The following PPM1E variants were observed in gnomAD, a reference collection of about 807,000 sequenced individuals.
PPM1E encodes protein phosphatase, Mg2+/Mn2+ dependent 1E.
Under a neutral mutation model 65.9 loss-of-function variants are expected in PPM1E, and 20 were observed. The observed-to-expected ratio is 0.30, with a 90% CI of 0.21 to 0.44. PPM1E has a LOEUF of 0.44. Ranked by LOEUF, PPM1E falls within the 20% of genes least tolerant of loss-of-function variation. The pLI is 1.00. For missense variants in PPM1E, 713 were observed against 953.1 expected (o/e 0.75, Z 3.32); for synonymous variants, 352 against 374.9 (o/e 0.94, Z 0.70).
intron 1 of PPM1E, among the ~76,000 whole-genome samples, chr17:58,825,855 C>G (rs2050530695): frequency 6.6e-6 from 1 of 152,086 alleles, no homozygotes; most frequent in Non-Finnish European, 1.5e-5. Flanking sequence ...CAGGCATGAG[C>G]CACCGCACGC....
At chr17:58,805,981 A>C (rs1190911914) in intron 1 of PPM1E, among the ~76,000 whole-genome samples, 3 of 100,662 alleles carry the variant, frequency 3.0e-5, no homozygotes, top group African/African-American at 4.4e-5. Context: ...AAACAAAAAA[A>C]AAACAAAACA....
chr17:58,814,085 A>G (rs1425167760), intron 1 of PPM1E, among the ~76,000 whole-genome samples: 1 of 152,242 alleles, frequency 6.6e-6, no homozygotes, highest in Non-Finnish European at 1.5e-5. Flanking sequence ...CATGTTAAAC[A>G]GAGTTTCCAA....
At chr17:58,907,395 T>C (rs2051571613) in intron 1 of PPM1E, among the ~76,000 whole-genome samples, 1 of 60,002 alleles carries the variant, frequency 1.7e-5, no homozygotes, top group Admixed American at 1.3e-4. Context: ...TTAATGCATG[T>C]TTTATGGCCC....
At position 58,984,043 on chromosome 17, in the gene PPM1E, A is replaced by C. The variant is rs1053893714; in HGVS notation, c.*3012A>C. On this transcript the variant is annotated 3_prime_UTR_variant, in exon 7 of 7. Transcript: ENST00000308249. ...AACACACACTGGGGCTATTAATCCCATTTAGGTCTGTACTAAAGAGGATGG... is the reference window on the plus strand; with the variant it reads ...AACACACACTGGGGCTATTAATCCCCTTTAGGTCTGTACTAAAGAGGATGG... 7 of 152,730 alleles carry C rather than the reference A, an allele frequency of 4.6e-5. No individual in the cohort carries two copies. The highest frequency in any genetic ancestry group is 1.9e-4 in the East Asian group (1 of 5,186). 9.5% of individuals were successfully genotyped at this position (152,730 alleles called of 1,614,324 possible). A position where few individuals can be genotyped will look rare whatever the true frequency, so the allele number is the denominator to read the frequency against.
chr17:58,969,356 C>T (rs1402297985), intron 3 of PPM1E, 183 bp from the exon 4 acceptor site: 3 of 710,076 alleles, frequency 4.2e-6, no homozygotes, highest in Non-Finnish European at 7.7e-6. Context: ...CACAGATACC[C>T]TAATATTGCA....
rs545291645 is a variant in PPM1E, at chr17:58,918,699, G to A, written c.465-36950G>A. ...CATGCACTTGTAGTCCCAGCTACTC[G>A]GGAGGCTGAGGCAGGAGAATTGCTT... On this transcript the variant is annotated intron_variant, in intron 1 of 6. Transcript: ENST00000308249. Among the ~76,000 whole-genome samples the A allele has an allele frequency of 7.5e-4, 114 of 151,084 alleles. 1 individual carries two copies. Among genetic ancestry groups the A allele is most frequent in the African/African-American group, 2.7e-3 (109 of 41,114 alleles).
chr17:58,786,419 T>C (rs1274601282), intron 1 of PPM1E, among the ~76,000 whole-genome samples: 2 of 152,000 alleles, frequency 1.3e-5, no homozygotes, highest in African/African-American at 2.4e-5. Flanking sequence ...AAAATAAGAG[T>C]TCCTTGAATA....
At chr17:58,786,870 G>A (rs1296888021) in intron 1 of PPM1E, among the ~76,000 whole-genome samples, 1 of 152,014 alleles carries the variant, frequency 6.6e-6, no homozygotes. Context: ...AAATAACATT[G>A]CAATCATAAT....
At chr17:58,836,487 G>GGAGTCTT (rs1467601950) in intron 1 of PPM1E, among the ~76,000 whole-genome samples, 1 of 148,872 alleles carries the variant, frequency 6.7e-6, no homozygotes, top group African/African-American at 2.5e-5. Context: ...TTCTTGAGAC[G>GGAGTCTT]GAGTCTTGCT....
At chr17:58,864,369 G>A (rs975406893) in intron 1 of PPM1E, among the ~76,000 whole-genome samples, 3 of 152,132 alleles carry the variant, frequency 2.0e-5, no homozygotes, top group Non-Finnish European at 2.9e-5. Flanking sequence ...GGTCCGGTGC[G>A]GTGGCTCATG....
At chr17:58,901,300 A>C (rs888350542) in intron 1 of PPM1E, among the ~76,000 whole-genome samples, 2 of 152,240 alleles carry the variant, frequency 1.3e-5, no homozygotes, top group African/African-American at 4.8e-5. Flanking sequence ...TCAGGAAACT[A>C]AACTATCAAT....
intron 6 of PPM1E, among the ~76,000 whole-genome samples, chr17:58,978,370 A>T (rs528876459): frequency 6.6e-6 from 1 of 152,256 alleles, no homozygotes; most frequent in African/African-American, 2.4e-5. Flanking sequence ...TCTAGGAATT[A>T]TTGCTCAGTA....
intron 2 of PPM1E, 34 bp downstream of exon 2, chr17:58,955,801 A>ACTAGAAT: frequency 6.4e-7 from 1 of 1,557,328 alleles, no homozygotes; most frequent in Non-Finnish European, 8.6e-7. Flanking sequence ...GTTTAAAAAT[A>ACTAGAAT]CTAGAATCTT....
At chr17:58,809,845 A>G (rs951716807) in intron 1 of PPM1E, among the ~76,000 whole-genome samples, 2 of 152,274 alleles carry the variant, frequency 1.3e-5, no homozygotes, top group Non-Finnish European at 2.9e-5. Context: ...AGAGCAGCAC[A>G]TGCTGTGCCC....
At chr17:58,760,783 G>A (rs545510056) in intron 1 of PPM1E, among the ~76,000 whole-genome samples, 3 of 152,232 alleles carry the variant, frequency 2.0e-5, no homozygotes, top group Admixed American at 6.5e-5. Flanking sequence ...AAGTTTGGGG[G>A]TTTCCCCAAA....
intron 1 of PPM1E, among the ~76,000 whole-genome samples, chr17:58,816,033 T>G (rs2050411671): frequency 1.3e-5 from 2 of 152,174 alleles, no homozygotes; most frequent in Non-Finnish European, 2.9e-5. Context: ...TTCTTTTTTT[T>G]TGTTTTTTTG....
chr17:58,891,047 T>A (rs1467010847), intron 1 of PPM1E, among the ~76,000 whole-genome samples: 1 of 152,136 alleles, frequency 6.6e-6, no homozygotes, highest in Non-Finnish European at 1.5e-5. Context: ...CTCAGCTCAC[T>A]GCAACCTCTG....
chr17:58,908,735 G>A lies in PPM1E; in HGVS notation c.465-46914G>A, dbSNP rs145001085. ...GATTACAGGCATGAGCCACCGTGCC[G>A]AGCCACTTTTTATACTTCTTTTAGT... is the stretch of plus-strand genomic sequence containing the variant. On this transcript the variant is annotated intron_variant, in intron 1 of 6. Coordinates refer to ENST00000308249, the MANE Select transcript of PPM1E (RefSeq NM_014906.5). Among the ~76,000 whole-genome samples the A allele has an allele frequency of 9.9e-4, 150 of 152,150 alleles. No individual in the cohort carries two copies. The Middle Eastern group carries it at 0.01, about 10-fold the overall frequency.
chr17:58,900,694 A>G (rs748654911), intron 1 of PPM1E, among the ~76,000 whole-genome samples: 17 of 152,166 alleles, frequency 1.1e-4, no homozygotes, highest in Non-Finnish European at 2.4e-4. Flanking sequence ...GTATGCCTGT[A>G]CTATAGTTTC....
Sources: gnomAD v4.1 joint callset for allele counts (sites outside exome capture counted in the v4.1 genomes callset) on GRCh38, gnomAD v4.1.1 for gene constraint, MANE v1.5 for transcripts, NCBI Gene and HGNC (gene_info 2026-07-23, HGNC 2026-07-21) for gene names.